The following ZNF710 variants were observed in gnomAD, a reference collection of about 807,000 sequenced individuals.
The protein encoded by ZNF710 is zinc finger protein 710.
Under a neutral mutation model 50.6 loss-of-function variants are expected in ZNF710, and 13 were observed. That is an observed-to-expected ratio of 0.26 (90% CI 0.17 to 0.41). The LOEUF (loss-of-function observed/expected upper bound fraction) is 0.41. Ranked by LOEUF, ZNF710 falls within the 10% of genes least tolerant of loss-of-function variation. ZNF710 has a pLI of 1.00. For synonymous variants in ZNF710, 383 were observed against 397.0 expected, an observed-to-expected ratio of 0.96 and a Z score of 0.42; for missense variants, 721 against 936.6, an observed-to-expected ratio of 0.77 and a Z score of 3.01.
intron 2 of ZNF710, among the ~76,000 whole-genome samples, chr15:90,070,522 T>A (rs1177223115): frequency 2.0e-5 from 3 of 151,302 alleles, no homozygotes; most frequent in Non-Finnish European, 2.9e-5. Flanking sequence ...AAATATTTTT[T>A]AAAAATAGCT....
intron 1 of ZNF710, among the ~76,000 whole-genome samples, chr15:90,006,007 T>G (rs1898132402): frequency 6.6e-6 from 1 of 152,122 alleles, no homozygotes; most frequent in African/African-American, 2.4e-5. Context: ...TCTCTGCCCA[T>G]GCCAAAGAGT....
rs866061473 is a variant in ZNF710 at position 90,059,960 on chromosome 15, C to T, written c.-28-7150C>T. ...GCCTCTCCAGCCCCAGGGCCCTGGA[C>T]TCCAAGGGGCAAAAGGCCCAGAGCC... On this transcript the variant is annotated intron_variant, in intron 1 of 4. Coordinates refer to ENST00000268154, the MANE Select transcript of ZNF710 (RefSeq NM_198526.4). This position sits in a 1 kb window ranked among gnomAD's most constrained non-coding sequence, Gnocchi z 4.1. 6.6e-6 allele frequency among the ~76,000 whole-genome samples: 1 copy of T among 152,228 alleles called. No individual in the cohort carries two copies. The highest frequency in any genetic ancestry group is 1.5e-5 in the Non-Finnish European group (1 of 68,038).
intron 1 of ZNF710, among the ~76,000 whole-genome samples, chr15:90,032,368 G>A (rs1478408430): frequency 6.6e-6 from 1 of 152,136 alleles, no homozygotes. Flanking sequence ...GATCACATGT[G>A]GTTGAATGTA....
At chr15:90,079,423 C>A (rs988513717) in intron 4 of ZNF710, among the ~76,000 whole-genome samples, 2 of 152,178 alleles carry the variant, frequency 1.3e-5, no homozygotes, top group Non-Finnish European at 2.9e-5. Flanking sequence ...CCACAAAGGC[C>A]CTCACTGATA....
At chr15:90,074,427 G>A in intron 4 of ZNF710, 137 bp downstream of exon 4, 3 of 1,543,974 alleles carry the variant, frequency 1.9e-6, no homozygotes, top group South Asian at 2.4e-5. Flanking sequence ...TCTGGAAGGG[G>A]GGTACCCTGG....
intron 1 of ZNF710, among the ~76,000 whole-genome samples, chr15:90,020,490 C>G (rs540840401): frequency 4.2e-5 from 6 of 144,434 alleles, no homozygotes; most frequent in African/African-American, 1.7e-4. Flanking sequence ...GCCTCCCCGC[C>G]CCCGGGGAGA....
At chr15:90,060,908 C>T (rs1567237812) in intron 1 of ZNF710, among the ~76,000 whole-genome samples, 1 of 152,174 alleles carries the variant, frequency 6.6e-6, no homozygotes, top group African/African-American at 2.4e-5. Context: ...GGGCTGGAGA[C>T]TGCAGTCTCT....
chr15:90,066,250 T>G (rs1900165484), intron 1 of ZNF710, among the ~76,000 whole-genome samples: 1 of 152,092 alleles, frequency 6.6e-6, no homozygotes, highest in East Asian at 1.9e-4. Flanking sequence ...CTGCCATACG[T>G]TCTCGTTCAT....
At chr15:90,035,324 G>A (rs768115955) in intron 1 of ZNF710, among the ~76,000 whole-genome samples, 10 of 152,184 alleles carry the variant, frequency 6.6e-5, no homozygotes, top group East Asian at 5.8e-4. Context: ...AGCATTGGCC[G>A]TCCGGCTCCT....
intron 1 of ZNF710, among the ~76,000 whole-genome samples, chr15:90,002,832 G>C (rs1349516464): frequency 6.6e-6 from 1 of 152,182 alleles, no homozygotes; most frequent in Non-Finnish European, 1.5e-5. Flanking sequence ...GTATCTCTAG[G>C]ATTTGCGAGA....
At position 90,017,312 on chromosome 15, in the gene ZNF710, T is replaced by A. The variant is rs575547607; in HGVS notation, c.-29+15698T>A. 9.2e-5 allele frequency among the ~76,000 whole-genome samples: 14 copies of A among 152,320 alleles called. No individual in the cohort carries two copies. In the East Asian group the frequency reaches 2.7e-3, roughly 29 times the overall value. Reference sequence around the variant, plus strand: ...TCAAAGTAGGGTATTGACTGCTTCCTCCTTGCTGATGAGAAATGCTGTATG... The same window carrying A: ...TCAAAGTAGGGTATTGACTGCTTCCACCTTGCTGATGAGAAATGCTGTATG... On this transcript the variant is annotated intron_variant, in intron 1 of 4. Coordinates refer to ENST00000268154, the MANE Select transcript of ZNF710 (RefSeq NM_198526.4).
At chr15:90,007,141 A>G (rs1251633163) in intron 1 of ZNF710, among the ~76,000 whole-genome samples, 1 of 152,114 alleles carries the variant, frequency 6.6e-6, no homozygotes, top group Non-Finnish European at 1.5e-5. Flanking sequence ...GTGGAGCTGC[A>G]CACAGAGATT....
At position 90,058,721 on chromosome 15, in the gene ZNF710, A is replaced by ATATATATATGTATG. The variant is rs1567236953; in HGVS notation, c.-28-8389_-28-8388insTATATATATGTATG. 8.5e-3 allele frequency among the ~76,000 whole-genome samples: 1,230 copies of ATATATATATGTATG among 144,458 alleles called. 30 individuals are homozygous for ATATATATATGTATG. Among genetic ancestry groups the ATATATATATGTATG allele is most frequent in the African/African-American group, 0.034 (1,159 of 34,454 alleles). 94.8% of individuals were successfully genotyped at this position (144,458 alleles called of 152,430 possible). ...TATATTTATATATATATATATATACACACATATACACACACACGTACACAG... is the reference window on the plus strand; with the variant it reads ...TATATTTATATATATATATATATACATATATATATGTATGCACATATACACACACACGTACACAG... On this transcript the variant is annotated intron_variant, in intron 1 of 4. Transcript: ENST00000268154.
Position 90,068,218 on chromosome 15 carries a change from A to G in ZNF710, c.1081A>G (p.Thr361Ala). ...GTGCCAGGTATGCCACAAGGCCTTCACGCAGACCAGCCACCTCAAGCGCCA... is the reference window on the plus strand; with the variant it reads ...GTGCCAGGTATGCCACAAGGCCTTCGCGCAGACCAGCCACCTCAAGCGCCA... Reference protein sequence around the residue: ...HKCQVCHKAFTQTSHLKRHML... With the variant: ...HKCQVCHKAFAQTSHLKRHML... Residue 361 changes from threonine to alanine, a missense_variant, in exon 2 of 5, where the codon ACG (threonine) becomes GCG (alanine). By Grantham distance (58) the Thr-to-Ala change is moderately conservative (BLOSUM62 0). Transcript: ENST00000268154. This position sits in a 1 kb window ranked among gnomAD's most constrained non-coding sequence, Gnocchi z 5.0. 6.2e-7 allele frequency: 1 copy of G among 1,613,772 alleles called. No individual in the cohort carries two copies. The highest frequency in any genetic ancestry group is 8.5e-7 in the Non-Finnish European group (1 of 1,180,002).
intron 1 of ZNF710, among the ~76,000 whole-genome samples, chr15:90,002,124 C>G (rs921398676): frequency 6.6e-6 from 1 of 151,466 alleles, no homozygotes. Context: ...CCCCCACACC[C>G]GGCCCGGGAC....
At chr15:90,000,518 C>A (rs1181896017), upstream of ZNF710, among the ~76,000 whole-genome samples, 1 of 152,116 alleles carries the variant, frequency 6.6e-6, no homozygotes, top group Non-Finnish European at 1.5e-5. Context: ...ACCCCGCCAG[C>A]CCGCCGATCC....
intron 1 of ZNF710, among the ~76,000 whole-genome samples, chr15:90,013,505 G>A (rs1898370007): frequency 6.6e-6 from 1 of 152,218 alleles, no homozygotes; most frequent in Non-Finnish European, 1.5e-5. Context: ...GAGGATGTGT[G>A]TTTCCTTCTG....
intron 4 of ZNF710, chr15:90,075,306 A>G (rs1246243216): frequency 4.6e-5 from 7 of 152,262 alleles, no homozygotes; most frequent in African/African-American, 1.7e-4. Context: ...GGATCCCTTA[A>G]GGCCAGGAGT....
At chr15:90,030,904 A>G (rs1454983667) in intron 1 of ZNF710, among the ~76,000 whole-genome samples, 9 of 151,690 alleles carry the variant, frequency 5.9e-5, no homozygotes, top group Admixed American at 5.9e-4. Flanking sequence ...CTGTAGTCCC[A>G]GCTACTTGGG....
Sources: allele counts gnomAD v4.1 joint callset (sites outside exome capture counted in the v4.1 genomes callset), GRCh38; gene constraint gnomAD v4.1.1; non-coding constraint Gnocchi (gnomAD v3.1); transcripts MANE v1.5; gene names NCBI Gene and HGNC (gene_info 2026-07-23, HGNC 2026-07-21).